The following FGD1 variants were observed in gnomAD, a reference collection of about 807,000 sequenced individuals.
FGD1 encodes the protein FYVE, RhoGEF and PH domain containing 1.
Under a neutral mutation model 65.0 loss-of-function variants are expected in FGD1, and 12 were observed. The observed-to-expected ratio is 0.18, with a 90% CI of 0.12 to 0.30. FGD1 has a LOEUF of 0.30. Ranked by LOEUF, FGD1 falls within the 10% of genes least tolerant of loss-of-function variation. FGD1 has a pLI of 1.00. For missense variants in FGD1, 542 were observed against 837.6 expected (o/e 0.65, Z 4.36); for synonymous variants, 333 against 343.9 (o/e 0.97, Z 0.35).
chrX:54,446,107 C>G lies in FGD1; in HGVS notation c.*2G>C. The G allele has an allele frequency of 8.3e-7, 1 of 1,206,491 alleles. No homozygotes were observed. ...GGGGGCTCCCAGTTTGTCCCAAACC[C>G]TCTAGGTCTTGTCTCGGGTCTGGGG... On this transcript the variant is annotated 3_prime_UTR_variant, in exon 18 of 18. Coordinates refer to ENST00000375135, the MANE Select transcript of FGD1 (RefSeq NM_004463.3).
chrX:54,492,300 C>T (rs187414235), intron 1 of FGD1, among the ~76,000 whole-genome samples: 8 of 111,930 alleles, frequency 7.1e-5, no homozygotes, highest in Admixed American at 2.8e-4. Context: ...TTAAAAGCCT[C>T]CCCCCACCCC....
At chrX:54,483,911 C>T (rs1206784267) in intron 1 of FGD1, among the ~76,000 whole-genome samples, 1 of 111,564 alleles carries the variant, frequency 9.0e-6, no homozygotes, top group Non-Finnish European at 1.9e-5. Context: ...CCCCCTCCAG[C>T]CCCCTAACTG....
chrX:54,481,262 T>C (rs1389692789), intron 1 of FGD1, among the ~76,000 whole-genome samples: 1 of 109,101 alleles, frequency 9.2e-6, no homozygotes, highest in Non-Finnish European at 1.9e-5. Context: ...AATCTGCCTT[T>C]TGTTCTGTGT....
chrX:54,466,824 A>G (rs1452019632), intron 6 of FGD1, among the ~76,000 whole-genome samples: 6 of 105,817 alleles, frequency 5.7e-5, no homozygotes, highest in Admixed American at 1.0e-4. Flanking sequence ...ATCTCGGCTC[A>G]CTGCAAGCTC....
intron 1 of FGD1, among the ~76,000 whole-genome samples, chrX:54,484,093 G>A (rs1026979793): frequency 8.9e-6 from 1 of 111,891 alleles, no homozygotes; most frequent in South Asian, 3.8e-4. Context: ...ACATTTCCCC[G>A]CCCCACGATC....
At position 54,495,510 on chromosome X, in the gene FGD1, C is replaced by G. The variant is rs1018704026; in HGVS notation, c.-78G>C. The stretch of plus-strand genomic sequence containing the variant: ...GGCGGAGGCGCGGGCGGAGGAGGCC[C>G]GGCGCCCGGCGGAGCAGCGGCCTCA... On this transcript the variant is annotated 5_prime_UTR_variant, in exon 1 of 18. Transcript: ENST00000375135. The G allele has an allele frequency of 5.4e-5, 38 of 705,823 alleles. No individual in the cohort carries two copies. The Admixed American group carries it at 7.6e-4, about 14-fold the overall frequency. 58.2% of individuals were successfully genotyped at this position (705,823 alleles called of 1,213,427 possible). A position where few individuals can be genotyped will look rare whatever the true frequency, so the allele number is the denominator to read the frequency against.
At position 54,488,382 on chromosome X, in the gene FGD1, A is replaced by G. The variant is rs1457567579; in HGVS notation, c.307+6744T>C. 4.7e-5 allele frequency among the ~76,000 whole-genome samples: 5 copies of G among 107,479 alleles called. No individual in the cohort carries two copies. In the East Asian group the frequency reaches 1.5e-3, roughly 31 times the overall value. 93.3% of individuals were successfully genotyped at this position (107,479 alleles called of 115,157 possible). On this transcript the variant is annotated intron_variant, in intron 1 of 17. Transcript: ENST00000375135. ...GGGTGGATCACGAGGTCAGGAGATCAACACCACCCTGGCTAACACGGTGAA... is the reference window on the plus strand; with the variant it reads ...GGGTGGATCACGAGGTCAGGAGATCGACACCACCCTGGCTAACACGGTGAA...
At chrX:54,493,131 T>C (rs1474666663) in intron 1 of FGD1, among the ~76,000 whole-genome samples, 1 of 111,254 alleles carries the variant, frequency 9.0e-6, no homozygotes, top group Non-Finnish European at 1.9e-5. Context: ...ACTGGGGGTC[T>C]AGACATTGCC....
rs749440698 is a variant in FGD1, at chrX:54,462,181, C to T, written c.1636+3270G>A. 8.7e-4 allele frequency among the ~76,000 whole-genome samples: 97 copies of T among 111,419 alleles called. 4 individuals are homozygous for T. The South Asian group carries it at 0.036, about 42-fold the overall frequency. ...CCTTTCTAGAAGTTTAGGCTGGCAC[C>T]TCAGTGAGGGCTCTTTTTCAGCAGG... is the stretch of plus-strand genomic sequence containing the variant. On this transcript the variant is annotated intron_variant, in intron 8 of 17. Transcript: ENST00000375135.
chrX:54,455,394 T>A, intron 12 of FGD1, 54 bp downstream of exon 12: 1 of 973,382 alleles, frequency 1.0e-6, no homozygotes, highest in Non-Finnish European at 1.5e-6. Flanking sequence ...CCTCAGCATA[T>A]CTGAACAAAA....
chrX:54,464,441 G>A (rs1230290822), intron 8 of FGD1, among the ~76,000 whole-genome samples: 2 of 111,548 alleles, frequency 1.8e-5, no homozygotes, highest in African/African-American at 6.5e-5. Flanking sequence ...CCTCTACTGT[G>A]TGTTTATTAT....
At chrX:54,454,939 C>T (rs73634948) in intron 12 of FGD1, among the ~76,000 whole-genome samples, 1 of 112,145 alleles carries the variant, frequency 8.9e-6, no homozygotes, top group Non-Finnish European at 1.9e-5. Context: ...ACACCTAAGA[C>T]AGCAATAATT....
intron 1 of FGD1, among the ~76,000 whole-genome samples, chrX:54,478,117 A>T (rs1923061675): frequency 9.0e-6 from 1 of 110,658 alleles, no homozygotes; most frequent in South Asian, 3.7e-4. Context: ...TACCCCGTCT[A>T]AAAACAAAAT....
At chrX:54,492,055 A>G (rs746188641) in intron 1 of FGD1, among the ~76,000 whole-genome samples, 1 of 111,097 alleles carries the variant, frequency 9.0e-6, no homozygotes, top group African/African-American at 3.3e-5. Context: ...GGAATAGAGC[A>G]ACCATCTCTG....
intron 1 of FGD1, among the ~76,000 whole-genome samples, chrX:54,476,970 G>A (rs757056662): frequency 8.9e-6 from 1 of 111,952 alleles, no homozygotes; most frequent in South Asian, 3.7e-4. Flanking sequence ...ACCACACCCA[G>A]CCACCACCAA....
rs190078494 is a variant in FGD1 at position 54,461,055 on chromosome X, A to T, written c.1636+4396T>A. On this transcript the variant is annotated intron_variant, in intron 8 of 17. Transcript: ENST00000375135. ...AGTTGAGAAAATGGACTCTATCTGG[A>T]GCCCACTCTAGGTTGCTTTCACTGG... Among the ~76,000 whole-genome samples, 134 of 111,930 alleles carry T rather than the reference A, an allele frequency of 1.2e-3. 1 individual carries two copies. Among genetic ancestry groups the T allele is most frequent in the Admixed American group, 6.2e-3 (65 of 10,483 alleles).
In FGD1 at chrX:54,470,576, G is replaced by A. The variant is rs1384720077; in HGVS notation, c.659+7C>T. 5.8e-6 allele frequency: 7 copies of A among 1,204,700 alleles called. No homozygotes were observed. Among genetic ancestry groups the A allele is most frequent in the Admixed American group, 2.2e-5 (1 of 45,592 alleles). ...CCCCTAGAGGGTGCCCTAGGGACCA[G>A]ACTCACCTTTCAAACTTCTCAATCA... On this transcript the variant is annotated splice_region_variant and intron_variant, in intron 3 of 17. Transcript: ENST00000375135.
At chrX:54,488,967 A>G (rs1923354085) in intron 1 of FGD1, among the ~76,000 whole-genome samples, 1 of 112,262 alleles carries the variant, frequency 8.9e-6, no homozygotes, top group African/African-American at 3.2e-5. Context: ...CCTAGGAAAT[A>G]CCATTTTGGA....
chrX:54,459,257 G>A (rs1310672433), intron 8 of FGD1, among the ~76,000 whole-genome samples: 1 of 111,756 alleles, frequency 8.9e-6, no homozygotes, highest in East Asian at 2.8e-4. Context: ...GTACAGACTG[G>A]CATTTCCAAG....
Sources: gnomAD v4.1 joint callset for allele counts (sites outside exome capture counted in the v4.1 genomes callset) on GRCh38, gnomAD v4.1.1 for gene constraint, MANE v1.5 for transcripts, NCBI Gene and HGNC (gene_info 2026-07-23, HGNC 2026-07-21) for gene names.